The following ZFR2 variants were observed in gnomAD, a reference collection of about 807,000 sequenced individuals.
The protein encoded by ZFR2 is zinc finger RNA-binding protein 2.
ZFR2 carries 104 observed loss-of-function variants against 105.7 expected under a neutral mutation model. The observed-to-expected ratio is 0.98, with a 90% confidence interval of 0.84 to 1.16. The LOEUF (loss-of-function observed/expected upper bound fraction) is 1.16. Among genes scored for constraint, ZFR2 ranks in the 50% most tolerant of loss-of-function variants. The pLI, the probability that ZFR2 is intolerant of heterozygous loss-of-function variation, is 0.00. For synonymous variants in ZFR2, 634 were observed against 597.7 expected (o/e 1.06, Z -0.89); for missense variants, 1,425 against 1,355.5 (o/e 1.05, Z -0.80).
At chr19:3,812,426 G>A (rs2037775341) in intron 14 of ZFR2, among the ~76,000 whole-genome samples, 1 of 152,110 alleles carries the variant, frequency 6.6e-6, no homozygotes, top group Non-Finnish European at 1.5e-5. Context: ...GCTGGGCCTG[G>A]GGAGAGGAAG....
In ZFR2 at chr19:3,806,556, G is replaced by A. The variant is rs111405113; in HGVS notation, c.2644-431C>T. 9.3e-3 allele frequency among the ~76,000 whole-genome samples: 1,424 copies of A among 152,316 alleles called. 42 individuals carry two copies. The highest frequency in any genetic ancestry group is 0.087 in the East Asian group (451 of 5,176). On this transcript the variant is annotated intron_variant, in intron 18 of 18. Coordinates refer to ENST00000262961, the MANE Select transcript of ZFR2 (RefSeq NM_015174.2). Reference sequence around the variant, plus strand: ...ATGACAGGCGTGAGCCACCCGGCCCGGCCGACACCGCTTCTTACGACTGCG... The same window carrying A: ...ATGACAGGCGTGAGCCACCCGGCCCAGCCGACACCGCTTCTTACGACTGCG...
In ZFR2 at chr19:3,834,861, C is replaced by T; in HGVS notation, c.176G>A (p.Gly59Glu). The change falls in exon 2 of 19, where the codon GGA (glycine) becomes GAA (glutamate). Residue 59 changes from glycine to glutamate, a missense_variant. By Grantham distance (98) the Gly-to-Glu change is moderately conservative (BLOSUM62 -2). Coordinates refer to ENST00000262961, the MANE Select transcript of ZFR2 (RefSeq NM_015174.2). This position sits in a 1 kb window ranked among gnomAD's most constrained non-coding sequence, Gnocchi z 5.3. ...GTCCTGGCCGGAGTGGGGCTGGTAT[C>T]CACCGTACCCTGCCGGGGCAGCTGG... is the stretch of plus-strand genomic sequence containing the variant. The part of the protein sequence containing the change: ...FPPAAPAGYG[G>E]YQPHSGQDFA... 1 of 1,611,752 alleles carries T rather than the reference C, an allele frequency of 6.2e-7. No individual in the cohort carries two copies. The highest frequency in any genetic ancestry group is 8.5e-7 in the Non-Finnish European group (1 of 1,179,140).
intron 1 of ZFR2, among the ~76,000 whole-genome samples, chr19:3,865,346 A>G (rs1454636594): frequency 6.6e-6 from 1 of 151,850 alleles, no homozygotes; most frequent in Non-Finnish European, 1.5e-5. Context: ...TACGGTTATC[A>G]TTTTTTTGTT....
chr19:3,843,208 C>T (rs1226982019), intron 1 of ZFR2, among the ~76,000 whole-genome samples: 2 of 152,192 alleles, frequency 1.3e-5, no homozygotes, highest in African/African-American at 2.4e-5. Flanking sequence ...CGGTGGCTCA[C>T]GCCTGGGATC....
chr19:3,833,330 A>G (rs2038039820), intron 3 of ZFR2, among the ~76,000 whole-genome samples: 2 of 151,886 alleles, frequency 1.3e-5, no homozygotes, highest in African/African-American at 4.8e-5. Flanking sequence ...TAATCGCAGC[A>G]CTTTGGGAGG....
At chr19:3,807,974 C>T (rs986640973) in intron 17 of ZFR2, among the ~76,000 whole-genome samples, 6 of 132,930 alleles carry the variant, frequency 4.5e-5, no homozygotes, top group East Asian at 4.7e-4. Context: ...TGTGCCCGTG[C>T]GTGCTTGTGT....
intron 1 of ZFR2, among the ~76,000 whole-genome samples, chr19:3,865,990 C>T (rs1257831740): frequency 2.0e-5 from 3 of 152,006 alleles, no homozygotes; most frequent in African/African-American, 4.8e-5. Flanking sequence ...TACAGGCGCG[C>T]GACACCACGC....
At chr19:3,828,436 T>C (rs528773101) in intron 5 of ZFR2, among the ~76,000 whole-genome samples, 1 of 152,280 alleles carries the variant, frequency 6.6e-6, no homozygotes, top group South Asian at 2.1e-4. Context: ...GCATCACACA[T>C]TCCTTTTGGG....
chr19:3,835,580 G>A (rs930408984), intron 1 of ZFR2, among the ~76,000 whole-genome samples: 8 of 150,030 alleles, frequency 5.3e-5, no homozygotes, highest in Non-Finnish European at 8.9e-5. Context: ...TGATCTGGCC[G>A]CCTCGGCCTC....
chr19:3,868,923 AG>A, intron 1 of ZFR2, 41 bp downstream of exon 1: 1 of 1,254,920 alleles, frequency 8.0e-7, no homozygotes, highest in South Asian at 3.2e-5. Context: ...GCCAGGCTGC[AG>A]GGGCCGGGAC....
chr19:3,826,240 C>T (rs1483416984), intron 6 of ZFR2, among the ~76,000 whole-genome samples: 2 of 152,116 alleles, frequency 1.3e-5, no homozygotes, highest in African/African-American at 4.8e-5. Flanking sequence ...CCTCAGCAAG[C>T]TGTCCTGAGC....
intron 7 of ZFR2, among the ~76,000 whole-genome samples, chr19:3,824,405 G>A (rs1163551068): frequency 1.3e-5 from 2 of 152,336 alleles, no homozygotes; most frequent in South Asian, 2.1e-4. Context: ...CCTAGTTAAC[G>A]CGGGTCAGCT....
intron 3 of ZFR2, 194 bp downstream of exon 3, chr19:3,833,470 G>A: frequency 2.1e-6 from 1 of 468,398 alleles, no homozygotes; most frequent in Non-Finnish European, 3.9e-6. Flanking sequence ...CAGCTACTCG[G>A]GAGGCTGAGG....
At chr19:3,806,512 G>A (rs992203143) in intron 18 of ZFR2, among the ~76,000 whole-genome samples, 2 of 152,102 alleles carry the variant, frequency 1.3e-5, no homozygotes, top group Non-Finnish European at 2.9e-5. Context: ...CGCCCGCCTC[G>A]GCTTCCCAAA....
chr19:3,828,529 C>A (rs1213450261), intron 5 of ZFR2, among the ~76,000 whole-genome samples: 18 of 152,196 alleles, frequency 1.2e-4, no homozygotes, highest in African/African-American at 3.9e-4. Flanking sequence ...AGGATAGTCA[C>A]GTACACTTCC....
rs761009407 is a variant in ZFR2 at position 3,827,647 on chromosome 19, G to C, written c.859C>G (p.Arg287Gly). Residue 287 changes from arginine to glycine, a missense_variant, in exon 6 of 19, where the codon CGG becomes GGG. Coordinates refer to ENST00000262961, the MANE Select transcript of ZFR2 (RefSeq NM_015174.2). ...KISCAGPQTYREHLGGQKHRK... is the reference protein window; with the variant it reads ...KISCAGPQTYGEHLGGQKHRK... ...TGCTTCTGCCCTCCCAGATGTTCCC[G>C]GTAGGTCTGCGGCAAGGGGTGAGAG... is the stretch of plus-strand genomic sequence containing the variant. 3 of 1,578,110 alleles carry C rather than the reference G, an allele frequency of 1.9e-6. No individual in the cohort carries two copies. The highest frequency in any genetic ancestry group is 1.4e-5 in the African/African-American group (1 of 73,942).
intron 1 of ZFR2, among the ~76,000 whole-genome samples, chr19:3,863,910 A>T (rs1275037123): frequency 6.6e-6 from 1 of 151,896 alleles, no homozygotes; most frequent in Non-Finnish European, 1.5e-5. Flanking sequence ...CACAACACCT[A>T]CCCCAAGGAT....
intron 1 of ZFR2, among the ~76,000 whole-genome samples, chr19:3,841,029 G>A (rs1381890920): frequency 1.3e-5 from 2 of 152,196 alleles, no homozygotes; most frequent in Non-Finnish European, 2.9e-5. Flanking sequence ...TGGTGACTCG[G>A]TGCCTTGTTC....
In ZFR2 at chr19:3,852,127, C is replaced by T. The variant is rs530481421; in HGVS notation, c.53+16838G>A. On this transcript the variant is annotated intron_variant, in intron 1 of 18. Transcript: ENST00000262961. Reference sequence around the variant, plus strand: ...AGCTGGGTGGCTCTTCTGGCCAAGGCGGGGCTCAGCTGGGTGGCTCTTCTG... The same window carrying T: ...AGCTGGGTGGCTCTTCTGGCCAAGGTGGGGCTCAGCTGGGTGGCTCTTCTG... The T allele has an allele frequency of 9.3e-5, 33 of 354,750 alleles. No homozygotes were observed. The East Asian group carries it at 1.2e-3, about 13-fold the overall frequency. 22.0% of individuals were successfully genotyped at this position (354,750 alleles called of 1,614,324 possible).
Sources: gnomAD v4.1 joint callset for allele counts (sites outside exome capture counted in the v4.1 genomes callset) on GRCh38, gnomAD v4.1.1 for gene constraint, Gnocchi (gnomAD v3.1) non-coding constraint, MANE v1.5 for transcripts, NCBI Gene and HGNC (gene_info 2026-07-23, HGNC 2026-07-21) for gene names.